The following HDAC9 variants were observed in gnomAD, a reference collection of about 807,000 sequenced individuals.
HDAC9 encodes histone deacetylase 9.
Under a neutral mutation model 139.4 loss-of-function variants are expected in HDAC9, and 41 were observed. The ratio of observed to expected loss-of-function variants is 0.29; its 90% CI spans 0.23 to 0.38. The LOEUF (loss-of-function observed/expected upper bound fraction) is 0.38. Among genes scored for constraint, HDAC9 ranks in the 10% least tolerant of loss-of-function variants. The probability of loss-of-function intolerance (pLI) is 1.00; values close to 1 mark genes in which losing one functional copy is unlikely to be tolerated. For synonymous variants in HDAC9, 517 were observed against 476.2 expected, an observed-to-expected ratio of 1.09 and a Z score of -1.12; for missense variants, 1,147 against 1,297.0, an observed-to-expected ratio of 0.88 and a Z score of 1.78.
intron 2 of HDAC9, among the ~76,000 whole-genome samples, chr7:18,527,195 A>G (rs1807230362): frequency 6.6e-6 from 1 of 152,146 alleles, no homozygotes; most frequent in African/African-American, 2.4e-5. Flanking sequence ...AGGAAGTGGT[A>G]GTGGCTCTAA....
At chr7:18,266,203 T>C (rs1795986993) in intron 2 of HDAC9, among the ~76,000 whole-genome samples, 1 of 152,192 alleles carries the variant, frequency 6.6e-6, no homozygotes, top group Non-Finnish European at 1.5e-5. Context: ...ATTTATCTCA[T>C]TAGAAAATTC....
intron 1 of HDAC9, among the ~76,000 whole-genome samples, chr7:18,425,883 A>G (rs1585809127): frequency 6.6e-6 from 1 of 152,232 alleles, no homozygotes; most frequent in Non-Finnish European, 1.5e-5. Context: ...CAGAAATTAT[A>G]CCCCTTGTGA....
At chr7:18,334,943 C>T (rs1020555476) in intron 1 of HDAC9, among the ~76,000 whole-genome samples, 1 of 151,438 alleles carries the variant, frequency 6.6e-6, no homozygotes, top group Non-Finnish European at 1.5e-5. Flanking sequence ...TCACTTCTCT[C>T]CCCTCTTTGG....
In HDAC9 at chr7:18,667,771, A is replaced by G. The variant is rs919435775; in HGVS notation, c.1731+1295A>G. The G allele has an allele frequency of 4.1e-6, 4 of 984,580 alleles. No homozygotes were observed. The African/African-American group carries it at 7.0e-5, about 17-fold the overall frequency. 61.0% of individuals were successfully genotyped at this position (984,580 alleles called of 1,614,324 possible). ...CACTCTATGAATTGATTTATTGTCT[A>G]AGAAAATAACACCACAAGTAGGGAA... On this transcript the variant is annotated intron_variant, in intron 12 of 25. Transcript: ENST00000686413.
intron 21 of HDAC9, among the ~76,000 whole-genome samples, chr7:18,850,852 A>C (rs1329251132): frequency 6.6e-6 from 1 of 152,152 alleles, no homozygotes; most frequent in African/African-American, 2.4e-5. Context: ...GGCACCTTCT[A>C]GCTAAATCCT....
At chr7:18,311,385 A>G (rs1047067923) in intron 1 of HDAC9, among the ~76,000 whole-genome samples, 7 of 152,096 alleles carry the variant, frequency 4.6e-5, no homozygotes, top group Admixed American at 4.6e-4. Context: ...ATAACTTGTG[A>G]GTTTTTATTC....
intron 12 of HDAC9, among the ~76,000 whole-genome samples, chr7:18,681,320 G>A (rs1472505414): frequency 6.6e-6 from 1 of 151,846 alleles, no homozygotes; most frequent in Non-Finnish European, 1.5e-5. Context: ...ATACATTTAG[G>A]CACCTTCAGA....
At chr7:18,341,476 G>A (rs1353299343) in intron 1 of HDAC9, among the ~76,000 whole-genome samples, 1 of 151,500 alleles carries the variant, frequency 6.6e-6, no homozygotes, top group Non-Finnish European at 1.5e-5. Context: ...TTCTGTTGCT[G>A]TATCTTCAGG....
chr7:18,656,000 TAGTTAAG>T (rs1260114881), intron 11 of HDAC9, among the ~76,000 whole-genome samples: 2 of 151,928 alleles, frequency 1.3e-5, no homozygotes, highest in African/African-American at 4.8e-5. Flanking sequence ...ATTTTTAATA[TAGTTAAG>T]TGATTTGTAG....
At chr7:18,807,987 T>C (rs1044927270) in intron 17 of HDAC9, 1 of 152,218 alleles carries the variant, frequency 6.6e-6, no homozygotes, top group Non-Finnish European at 1.5e-5. Context: ...ATTGATTCTT[T>C]TTTTGTGGAT....
In HDAC9 at chr7:18,585,303, T is replaced by C. The variant is rs1263884426; in HGVS notation, c.45T>C (p.Pro15=). 2.5e-6 allele frequency: 4 copies of C among 1,604,238 alleles called. No homozygotes were observed. The highest frequency in any genetic ancestry group is 3.4e-6 in the Non-Finnish European group (4 of 1,173,554). The change falls in exon 3 of 26, where the codon CCT becomes CCC. Residue 15 remains proline (P), a synonymous_variant. Coordinates refer to ENST00000686413, the MANE Select transcript of HDAC9 (RefSeq NM_178425.4). The part of the protein sequence containing the change: ...ISSVDVKSEV[P]VGLEPISPLD... ...TAGTGGATGTGAAGTCAGAAGTTCC[T>C]GTGGGCCTGGAGCCCATCTCACCTT...
intron 12 of HDAC9, among the ~76,000 whole-genome samples, chr7:18,715,120 C>T (rs1260203662): frequency 2.6e-5 from 4 of 152,028 alleles, no homozygotes; most frequent in Non-Finnish European, 5.9e-5. Context: ...GTTGTTGAGA[C>T]AACCACAGTT....
chr7:18,880,842 CCG>C (rs1491444246), intron 22 of HDAC9, among the ~76,000 whole-genome samples: 1,177 of 36,536 alleles, frequency 0.032, 23 homozygotes, highest in African/African-American at 0.077. Flanking sequence ...TTAATAGTTG[CCG>C]GGGGGGGGGG....
chr7:18,991,412 G>A lies in HDAC9; in HGVS notation c.3171-4611G>A, dbSNP rs191497426. On this transcript the variant is annotated intron_variant, in intron 25 of 25. Coordinates refer to ENST00000686413, the MANE Select transcript of HDAC9 (RefSeq NM_178425.4). Reference sequence around the variant, plus strand: ...TCCCAGTGCTTTGGGAGGCCGAGGCGGGCAGATCACGAGGTCAGATCAAGA... The same window carrying A: ...TCCCAGTGCTTTGGGAGGCCGAGGCAGGCAGATCACGAGGTCAGATCAAGA... 6.7e-3 allele frequency among the ~76,000 whole-genome samples: 1,023 copies of A among 152,262 alleles called. 19 individuals carry two copies. In the East Asian group the frequency reaches 0.067, roughly 10 times the overall value.
intron 1 of HDAC9, among the ~76,000 whole-genome samples, chr7:18,484,645 A>G (rs1457955671): frequency 1.3e-5 from 2 of 152,166 alleles, no homozygotes; most frequent in African/African-American, 4.8e-5. Flanking sequence ...AGTTTCGTTT[A>G]ACTAGGCCTC....
At chr7:18,584,902 CTTAGG>C (rs929211111) in intron 2 of HDAC9, among the ~76,000 whole-genome samples, 1 of 149,478 alleles carries the variant, frequency 6.7e-6, no homozygotes, top group Non-Finnish European at 1.5e-5. Flanking sequence ...GAAGTTCTCT[CTTAGG>C]GCATCTTTTC....
intron 2 of HDAC9, among the ~76,000 whole-genome samples, chr7:18,262,716 A>G (rs552075657): frequency 1.3e-5 from 2 of 152,338 alleles, no homozygotes; most frequent in Admixed American, 1.3e-4. Context: ...TGTAACAATA[A>G]CACAAAGAAG....
At chr7:18,481,761 C>T (rs1795568132) in intron 1 of HDAC9, among the ~76,000 whole-genome samples, 1 of 152,072 alleles carries the variant, frequency 6.6e-6, no homozygotes, top group African/African-American at 2.4e-5. Context: ...TCAGTTCACC[C>T]CTCACTGTGG....
chr7:18,365,069 T>C (rs1349274759), intron 1 of HDAC9, among the ~76,000 whole-genome samples: 1 of 152,022 alleles, frequency 6.6e-6, no homozygotes, highest in Non-Finnish European at 1.5e-5. Flanking sequence ...TGACAGCTGG[T>C]AAGTTTCAGA....
Sources: allele counts gnomAD v4.1 joint callset (sites outside exome capture counted in the v4.1 genomes callset), GRCh38; gene constraint gnomAD v4.1.1; transcripts MANE v1.5; gene names NCBI Gene and HGNC (gene_info 2026-07-23, HGNC 2026-07-21).